Variants in NKAIN3 observed in about 807,000 individuals in gnomAD.
The protein encoded by NKAIN3 is sodium/potassium-transporting ATPase subunit beta-1-interacting protein 3.
Under a neutral mutation model 30.2 loss-of-function variants are expected in NKAIN3, and 25 were observed. That is an observed-to-expected ratio of 0.83 (90% CI 0.60 to 1.16). The LOEUF (loss-of-function observed/expected upper bound fraction) is 1.16. NKAIN3 is among the 50% of genes most tolerant of loss of function. The probability of loss-of-function intolerance (pLI) is 0.00; values close to 1 mark genes in which losing one functional copy is unlikely to be tolerated. For synonymous variants in NKAIN3, 91 were observed against 89.6 expected (o/e 1.02, Z -0.09); for missense variants, 225 against 254.1 (o/e 0.89, Z 0.78).
chr8:62,536,611 C>CA (rs1183247615), intron 1 of NKAIN3, among the ~76,000 whole-genome samples: 14 of 151,884 alleles, frequency 9.2e-5, no homozygotes. Context: ...GAAAACATGA[C>CA]AAACAGGGAC....
intron 1 of NKAIN3, among the ~76,000 whole-genome samples, chr8:62,449,277 G>A (rs762250446): frequency 1.3e-5 from 2 of 152,058 alleles, no homozygotes; most frequent in African/African-American, 4.8e-5. Context: ...AAAAGAAGCC[G>A]GTTTAGTGGC....
chr8:62,758,350 G>T (rs1024294699), intron 4 of NKAIN3, among the ~76,000 whole-genome samples: 3 of 152,120 alleles, frequency 2.0e-5, no homozygotes, highest in African/African-American at 7.2e-5. Context: ...TAACAGTATT[G>T]TGTCAATGTT....
In NKAIN3 at chr8:62,892,597, T is replaced by G. The variant is rs576470003; in HGVS notation, c.472-25856T>G. 3.3e-5 allele frequency among the ~76,000 whole-genome samples: 5 copies of G among 152,310 alleles called. No homozygotes were observed. The South Asian group carries it at 1.0e-3, about 32-fold the overall frequency. On this transcript the variant is annotated intron_variant, in intron 4 of 6. Coordinates refer to ENST00000623646, the MANE Select transcript of NKAIN3 (RefSeq NM_001304533.3). ...ACCAAATCAGGCTTGTTACTCTGGT[T>G]CAATAATAAATTCAAATATGAAGAA...
chr8:62,483,665 G>T (rs1451854), intron 1 of NKAIN3: 195,131 of 226,706 alleles, frequency 0.86, 84,131 homozygotes, highest in Middle Eastern at 0.9. Flanking sequence ...TCTGAAGGCC[G>T]CCTTATCCTA....
intron 1 of NKAIN3, among the ~76,000 whole-genome samples, chr8:62,427,761 A>G (rs765766716): frequency 2.0e-5 from 3 of 151,998 alleles, no homozygotes; most frequent in Non-Finnish European, 2.9e-5. Context: ...TTATTTTTCT[A>G]TAAGCATACC....
chr8:62,610,937 A>G (rs1379157025), intron 3 of NKAIN3, among the ~76,000 whole-genome samples: 1 of 152,066 alleles, frequency 6.6e-6, no homozygotes, highest in African/African-American at 2.4e-5. Context: ...TAGAATAGTG[A>G]TTCTACTGTG....
At chr8:62,988,400 C>T (rs532562210), downstream of NKAIN3, among the ~76,000 whole-genome samples, 5 of 152,378 alleles carry the variant, frequency 3.3e-5, no homozygotes, top group South Asian at 8.3e-4. Flanking sequence ...GGGCTCCGCA[C>T]CTGCAGCACA....
At chr8:62,986,631 C>T (rs1824205374), downstream of NKAIN3, among the ~76,000 whole-genome samples, 1 of 152,104 alleles carries the variant, frequency 6.6e-6, no homozygotes, top group African/African-American at 2.4e-5. Flanking sequence ...TCATCTTTTG[C>T]CTGTGTCACA....
chr8:62,807,267 C>T (rs1239551333), intron 4 of NKAIN3, among the ~76,000 whole-genome samples: 1 of 152,154 alleles, frequency 6.6e-6, no homozygotes, highest in Non-Finnish European at 1.5e-5. Flanking sequence ...ATAAACTTGA[C>T]TGATACCATT....
intron 1 of NKAIN3, among the ~76,000 whole-genome samples, chr8:62,346,533 T>C (rs950589279): frequency 1.3e-5 from 2 of 152,110 alleles, no homozygotes; most frequent in Admixed American, 6.6e-5. Context: ...ACATGTATAT[T>C]TTAAGAGCTT....
chr8:62,523,348 A>C (rs1004356277), intron 1 of NKAIN3, among the ~76,000 whole-genome samples: 1 of 152,054 alleles, frequency 6.6e-6, no homozygotes, highest in Non-Finnish European at 1.5e-5. Flanking sequence ...AACATATCTC[A>C]TTGTTAAACA....
At chr8:62,351,506 T>C (rs1816178589) in intron 1 of NKAIN3, among the ~76,000 whole-genome samples, 2 of 149,318 alleles carry the variant, frequency 1.3e-5, no homozygotes, top group African/African-American at 4.9e-5. Context: ...ATATATAAAA[T>C]AAATATACAT....
intron 4 of NKAIN3, among the ~76,000 whole-genome samples, chr8:62,821,186 A>G (rs1818838375): frequency 6.6e-6 from 1 of 152,062 alleles, no homozygotes; most frequent in African/African-American, 2.4e-5. Context: ...TTTATTTTGT[A>G]TCTACAAAGT....
chr8:62,387,421 A>G (rs552081841), intron 1 of NKAIN3, among the ~76,000 whole-genome samples: 7 of 152,070 alleles, frequency 4.6e-5, no homozygotes, highest in African/African-American at 1.7e-4. Flanking sequence ...AGTCACTGTC[A>G]GCTGCTTTCT....
intron 4 of NKAIN3, among the ~76,000 whole-genome samples, chr8:62,850,373 A>C (rs2130773029): frequency 6.6e-6 from 1 of 152,186 alleles, no homozygotes; most frequent in South Asian, 2.1e-4. Flanking sequence ...TCAGATGAGT[A>C]GATTGCAAAA....
At chr8:62,313,715 A>T (rs993137087) in intron 1 of NKAIN3, among the ~76,000 whole-genome samples, 7 of 152,202 alleles carry the variant, frequency 4.6e-5, no homozygotes, top group Admixed American at 6.6e-5. Flanking sequence ...GACATATAAG[A>T]GTCCTTTCAA....
chr8:62,496,345 A>G (rs13253682), intron 1 of NKAIN3, among the ~76,000 whole-genome samples: 15,259 of 152,120 alleles, frequency 0.1, 821 homozygotes, highest in East Asian at 0.13. Flanking sequence ...GCATGCTTTT[A>G]TAACTCCCAT....
At chr8:62,312,677 C>G (rs968920227) in intron 1 of NKAIN3, among the ~76,000 whole-genome samples, 1 of 151,960 alleles carries the variant, frequency 6.6e-6, no homozygotes, top group Non-Finnish European at 1.5e-5. Flanking sequence ...ATTAGCTGGG[C>G]ATGGTGGTGT....
rs904838230 is a variant in NKAIN3 at position 62,978,772 on chromosome 8, C to T, written c.*13365C>T. On this transcript the variant is annotated 3_prime_UTR_variant, in exon 7 of 7. Coordinates refer to ENST00000623646, the MANE Select transcript of NKAIN3 (RefSeq NM_001304533.3). ...AGACAACTCTGGGGTACGAAAAAAA[C>T]TCCTACAGCTAGCTCAGTGTCTGCC... 1 of 153,114 alleles carries T rather than the reference C, an allele frequency of 6.5e-6. No homozygotes were observed. Among genetic ancestry groups the T allele is most frequent in the African/African-American group, 2.4e-5 (1 of 41,448 alleles). 9.5% of individuals were successfully genotyped at this position (153,114 alleles called of 1,614,324 possible).
Sources: gnomAD v4.1 joint callset for allele counts (sites outside exome capture counted in the v4.1 genomes callset) on GRCh38, gnomAD v4.1.1 for gene constraint, MANE v1.5 for transcripts, NCBI Gene and HGNC (gene_info 2026-07-23, HGNC 2026-07-21) for gene names.